GBP5: variants seen among roughly 807,000 people sequenced by gnomAD.
The protein encoded by GBP5 is guanylate binding protein 5, also known as guanylate-binding protein 5.
In GBP5, 48 loss-of-function variants were observed where a neutral mutation model predicts 58.2. The ratio of observed to expected loss-of-function variants is 0.83; its 90% CI spans 0.65 to 1.05. The LOEUF (loss-of-function observed/expected upper bound fraction) is 1.05. GBP5 is among the 50% of genes least tolerant of loss of function. The probability of loss-of-function intolerance (pLI) is 0.00; values close to 1 mark genes in which losing one functional copy is unlikely to be tolerated. For synonymous variants in GBP5, 248 were observed against 251.8 expected, an observed-to-expected ratio of 0.98 and a Z score of 0.14; for missense variants, 714 against 686.8, an observed-to-expected ratio of 1.04 and a Z score of -0.44.
intron 8 of GBP5, 129 bp downstream of exon 8, chr1:89,264,557 G>A: frequency 1.3e-6 from 1 of 761,186 alleles, no homozygotes; most frequent in Non-Finnish European, 2.1e-6. Flanking sequence ...AATAAAAGTG[G>A]TGTCATGGCT....
intron 1 of GBP5, chr1:89,272,002 G>A (rs955613555): frequency 6.6e-6 from 1 of 152,112 alleles, no homozygotes; most frequent in South Asian, 2.1e-4. Context: ...ACTTCTCTCT[G>A]GGCAACATTT....
Position 89,258,932 on chromosome 1 carries a change from TACAA to T in GBP5, c.*1768_*1771del, listed in dbSNP as rs778185277. 8.5e-5 allele frequency: 13 copies of T among 152,218 alleles called. No individual in the cohort carries two copies. In the South Asian group the frequency reaches 1.0e-3, roughly 12 times the overall value. The allele number at this position is 152,218 out of a possible 1,614,324, so 9.4% of individuals were successfully genotyped here. ...TATAGACTTTTAACTTTGAGAAAAA[TACAA>T]ACAAAGGAACTGATTTATGGTTTTC... is the stretch of plus-strand genomic sequence containing the variant. On this transcript the variant is annotated 3_prime_UTR_variant, in exon 12 of 12. Transcript: ENST00000370459.
At position 89,260,203 on chromosome 1, in the gene GBP5, G is replaced by C. The variant is rs573667453; in HGVS notation, c.*501C>G. On this transcript the variant is annotated 3_prime_UTR_variant, in exon 12 of 12. Transcript: ENST00000370459. Reference sequence around the variant, plus strand: ...AGTTCACAATAGGGTTCCCACTCCTGTGAGAATCTAATGTCACTGCTGATC... The same window carrying C: ...AGTTCACAATAGGGTTCCCACTCCTCTGAGAATCTAATGTCACTGCTGATC... The C allele has an allele frequency of 6.4e-6, 1 of 155,266 alleles. No individual in the cohort carries two copies. The highest frequency in any genetic ancestry group is 2.4e-5 in the African/African-American group (1 of 41,454). 9.6% of individuals were successfully genotyped at this position (155,266 alleles called of 1,614,324 possible).
At chr1:89,262,648 C>A (rs753388330) in intron 10 of GBP5, 35 bp downstream of exon 10, 14 of 1,424,372 alleles carry the variant, frequency 9.8e-6, no homozygotes, top group Non-Finnish European at 1.4e-5. Flanking sequence ...TTATAGATTT[C>A]TTTCTATCTT....
At chr1:89,269,288 C>A in intron 3 of GBP5, 78 bp downstream of exon 3, 1 of 1,393,790 alleles carries the variant, frequency 7.2e-7, no homozygotes, top group South Asian at 1.2e-5. Flanking sequence ...GTCTTACTCT[C>A]TCCTTGCTTC....
At position 89,269,565 on chromosome 1, in the gene GBP5, G is replaced by A; in HGVS notation, c.-10C>T. ...GGATCTCTAAAGCCATGTCTAGGAT[G>A]TTACTTTGCCTGCAAGGGAACAGAT... On this transcript the variant is annotated 5_prime_UTR_variant, in exon 3 of 12. Coordinates refer to ENST00000370459, the MANE Select transcript of GBP5 (RefSeq NM_052942.5). 6.2e-7 allele frequency: 1 copy of A among 1,603,232 alleles called. No homozygotes were observed. The highest frequency in any genetic ancestry group is 1.1e-5 in the South Asian group (1 of 90,690).
In GBP5 at chr1:89,258,397, T is replaced by C. The variant is rs947448891; in HGVS notation, c.*2307A>G. On this transcript the variant is annotated 3_prime_UTR_variant, in exon 12 of 12. Transcript: ENST00000370459. ...GAGATAGAGCTATTCTTTTTACTGA[T>C]AACATTTCCTTGGATGATAAAATGT... Among the ~76,000 whole-genome samples, 1 of 152,236 alleles carries C rather than the reference T, an allele frequency of 6.6e-6. No individual in the cohort carries two copies. The highest frequency in any genetic ancestry group is 1.5e-5 in the Non-Finnish European group (1 of 68,030).
rs927776416 is a variant in GBP5 at position 89,267,009 on chromosome 1, C to T, written c.573G>A (p.Gly191=). The T allele has an allele frequency of 1.2e-6, 2 of 1,611,508 alleles. No individual in the cohort carries two copies. Among genetic ancestry groups the T allele is most frequent in the Non-Finnish European group, 1.7e-6 (2 of 1,179,438 alleles). The change falls in exon 6 of 12, where the codon GGG becomes GGA. Residue 191 remains glycine (G), a synonymous_variant. Coordinates refer to ENST00000370459, the MANE Select transcript of GBP5 (RefSeq NM_052942.5). The part of the protein sequence containing the change: ...RDFCLGLEID[G]QLVTPDEYLE... ...GGTATTCATCTGGTGTGACAAGTTG[C>T]CCATCTATTTCCAGGCCTAAGCAGA...
At chr1:89,261,702 G>T (rs1650010508) in intron 11 of GBP5, among the ~76,000 whole-genome samples, 2 of 152,160 alleles carry the variant, frequency 1.3e-5, no homozygotes, top group South Asian at 4.1e-4. Context: ...GTAAATAAAA[G>T]TAAAGGACCG....
Position 89,260,462 on chromosome 1 carries a change from A to T in GBP5, c.*242T>A, listed in dbSNP as rs1387965916. ...ATATCACGCATAAATGAAGGCAGTG[A>T]TACAATGTCCCTTATACAATTTATA... On this transcript the variant is annotated 3_prime_UTR_variant, in exon 12 of 12. Transcript: ENST00000370459. 2.0e-5 allele frequency: 7 copies of T among 354,862 alleles called. No homozygotes were observed. The highest frequency in any genetic ancestry group is 3.6e-5 in the Non-Finnish European group (7 of 193,856). 22.0% of individuals were successfully genotyped at this position (354,862 alleles called of 1,614,324 possible). A position where few individuals can be genotyped will look rare whatever the true frequency, so the allele number is the denominator to read the frequency against.
At position 89,262,706 on chromosome 1, in the gene GBP5, G is replaced by C; in HGVS notation, c.1442C>G (p.Thr481Arg). The change falls in exon 10 of 12, where the codon ACA (threonine) becomes AGA (arginine). Residue 481 changes from threonine (T) to arginine (R), a missense_variant. Transcript: ENST00000370459. ...ACCTTTCTTCTTTTTTTCCGTCTCTGTGAGAGCCTGGTCAGTCTGTAATAT... is the reference window on the plus strand; with the variant it reads ...ACCTTTCTTCTTTTTTTCCGTCTCTCTGAGAGCCTGGTCAGTCTGTAATAT... ...HAILQTDQAL[T>R]ETEKKKKEAQ... 1 of 1,605,164 alleles carries C rather than the reference G, an allele frequency of 6.2e-7. No homozygotes were observed. The highest frequency in any genetic ancestry group is 8.5e-7 in the Non-Finnish European group (1 of 1,173,794).
At chr1:89,265,025 A>C (rs1470773513) in intron 7 of GBP5, 59 bp from the exon 8 acceptor site, 1 of 1,488,952 alleles carries the variant, frequency 6.7e-7, no homozygotes, top group Admixed American at 1.8e-5. Flanking sequence ...TGATTGATAC[A>C]GTAATTTCTG....
At chr1:89,261,931 G>A (rs115456412) in intron 11 of GBP5, 184 of 373,402 alleles carry the variant, frequency 4.9e-4, no homozygotes, top group African/African-American at 3.3e-3. Context: ...ACTCTGTATC[G>A]GGCACCATTT....
rs368263405 is a variant in GBP5, at chr1:89,264,717, T to A, written c.1118A>T (p.Asp373Val). 21 of 1,614,204 alleles carry A rather than the reference T, an allele frequency of 1.3e-5. No homozygotes were observed. In the African/African-American group the frequency reaches 2.8e-4, roughly 22 times the overall value. The change falls in exon 8 of 12, where the codon GAT becomes GTT. Residue 373 changes from aspartate to valine, a missense_variant. Transcript: ENST00000370459. ...TTCTTTCTGGAAACTTTGGTCTACATCCTTGAAAGAGTTTTTCATGAAGAC... is the reference window on the plus strand; with the variant it reads ...TTCTTTCTGGAAACTTTGGTCTACAACCTTGAAAGAGTTTTTCATGAAGAC... ...IEVFMKNSFK[D>V]VDQSFQKELE... is the part of the protein sequence containing the mutation.
chr1:89,263,550 C>T, intron 9 of GBP5, 186 bp downstream of exon 9: 1 of 529,506 alleles, frequency 1.9e-6, no homozygotes, highest in Non-Finnish European at 3.4e-6. Flanking sequence ...GATATAAATT[C>T]TGTGCGAGGA....
At position 89,271,607 on chromosome 1, in the gene GBP5, C is replaced by T. The variant is rs186341600; in HGVS notation, c.-127-745G>A. ...GCATTTGTATATGTAGTTGTTATTG[C>T]TTGCTTTTGCTTATTTTGCATAGTT... On this transcript the variant is annotated intron_variant, in intron 1 of 11. Coordinates refer to ENST00000370459, the MANE Select transcript of GBP5 (RefSeq NM_052942.5). 3.3e-5 allele frequency: 5 copies of T among 152,218 alleles called. No individual in the cohort carries two copies. In the East Asian group the frequency reaches 9.6e-4, roughly 29 times the overall value. The allele number at this position is 152,218 out of a possible 1,614,324, so 9.4% of individuals were successfully genotyped here. A position where few individuals can be genotyped will look rare whatever the true frequency, so the allele number is the denominator to read the frequency against.
At position 89,258,515 on chromosome 1, in the gene GBP5, T is replaced by G. The variant is rs1353703461; in HGVS notation, c.*2189A>C. On this transcript the variant is annotated 3_prime_UTR_variant, in exon 12 of 12. Transcript: ENST00000370459. ...TTGAATATGCTGGTACCTTCTGAAC[T>G]TCAGTTCAAATCTAGAAATACTGCT... 6.6e-6 allele frequency among the ~76,000 whole-genome samples: 1 copy of G among 152,198 alleles called. No individual in the cohort carries two copies. The highest frequency in any genetic ancestry group is 1.5e-5 in the Non-Finnish European group (1 of 68,048).
chr1:89,270,756 T>C lies in GBP5; in HGVS notation c.-21A>G, dbSNP rs1173481607. The C allele has an allele frequency of 6.6e-6, 1 of 152,206 alleles. No homozygotes were observed. The highest frequency in any genetic ancestry group is 1.5e-5 in the Non-Finnish European group (1 of 68,036). 9.4% of individuals were successfully genotyped at this position (152,206 alleles called of 1,614,324 possible). Reference sequence around the variant, plus strand: ...CTATTTTCAATGTAGTATTAGTACCTTATATATGTAGAATTCTGGTTGCCT... The same window carrying C: ...CTATTTTCAATGTAGTATTAGTACCCTATATATGTAGAATTCTGGTTGCCT... On this transcript the variant is annotated splice_region_variant and 5_prime_UTR_variant, in exon 2 of 12. Coordinates refer to ENST00000370459, the MANE Select transcript of GBP5 (RefSeq NM_052942.5).
At chr1:89,266,252 A>T in intron 7 of GBP5, 94 bp downstream of exon 7, 1 of 1,087,146 alleles carries the variant, frequency 9.2e-7, no homozygotes, top group Non-Finnish European at 1.3e-6. Flanking sequence ...TTGCCTATGC[A>T]TTTGTCAACA....
Sources: gnomAD v4.1 joint callset for allele counts (sites outside exome capture counted in the v4.1 genomes callset) on GRCh38, gnomAD v4.1.1 for gene constraint, MANE v1.5 for transcripts, NCBI Gene and HGNC (gene_info 2026-07-23, HGNC 2026-07-21) for gene names.